Variants in RREB1 observed in about 807,000 individuals in gnomAD.
RREB1 encodes the protein ras-responsive element-binding protein 1.
RREB1 carries 27 observed loss-of-function variants against 117.8 expected under a neutral mutation model. That is an observed-to-expected ratio of 0.23 (90% CI 0.17 to 0.32). RREB1 has a LOEUF of 0.32. RREB1 is among the 10% of genes least tolerant of loss of function. RREB1 has a pLI of 1.00. For synonymous variants in RREB1, 1,298 were observed against 1,026.7 expected (o/e 1.26, Z -5.05); for missense variants, 2,577 against 2,378.2 (o/e 1.08, Z -1.74).
chr6:7,116,993 A>G (rs1289855708), intron 1 of RREB1, among the ~76,000 whole-genome samples: 4 of 152,186 alleles, frequency 2.6e-5, no homozygotes, highest in Non-Finnish European at 5.9e-5. Flanking sequence ...TTGTTTCATT[A>G]GTGGTATGAG....
intron 1 of RREB1, among the ~76,000 whole-genome samples, chr6:7,112,199 G>A (rs1229656449): frequency 6.6e-6 from 1 of 152,196 alleles, no homozygotes; most frequent in Non-Finnish European, 1.5e-5. Flanking sequence ...AACAAAAATA[G>A]GTGTGATGTA....
chr6:7,198,805 G>T (rs572625112), intron 6 of RREB1, among the ~76,000 whole-genome samples: 1 of 152,240 alleles, frequency 6.6e-6, no homozygotes, highest in South Asian at 2.1e-4. Flanking sequence ...AAAAAAATAT[G>T]TAAGTGTAAT....
Position 7,181,177 on chromosome 6 carries a change from T to C in RREB1, c.-112T>C, listed in dbSNP as rs1764775193. 2.5e-6 allele frequency: 1 copy of C among 398,610 alleles called. No homozygotes were observed. The highest frequency in any genetic ancestry group is 4.4e-6 in the Non-Finnish European group (1 of 226,132). The allele number at this position is 398,610 out of a possible 1,614,324, so 24.7% of individuals were successfully genotyped here. On this transcript the variant is annotated 5_prime_UTR_variant, in exon 3 of 13. Transcript: ENST00000379938. ...ACAAGAGGTCAACACAGACTCATTT[T>C]CTACTCCGTGTGAATGATAGCTACA...
intron 1 of RREB1, among the ~76,000 whole-genome samples, chr6:7,144,726 T>C (rs1047179169): frequency 2.0e-5 from 3 of 152,214 alleles, no homozygotes; most frequent in African/African-American, 7.2e-5. Flanking sequence ...AAATTGTCAG[T>C]TCTAACTGCT....
At chr6:7,194,176 C>T (rs1024611946) in intron 6 of RREB1, among the ~76,000 whole-genome samples, 1 of 152,174 alleles carries the variant, frequency 6.6e-6, no homozygotes, top group Non-Finnish European at 1.5e-5. Flanking sequence ...TTTTTTATAG[C>T]ATAGCCCTTG....
In RREB1 at chr6:7,231,472, G is replaced by A; in HGVS notation, c.3373G>A (p.Glu1125Lys). 1 of 1,612,796 alleles carries A rather than the reference G, an allele frequency of 6.2e-7. No individual in the cohort carries two copies. Among genetic ancestry groups the A allele is most frequent in the Admixed American group, 1.7e-5 (1 of 59,954 alleles). ...CCCCGCTGCCACCACCAGCCCAAAA[G>A]AGTCTAGTGAGCCTCCCGCTCCAGC... ...ATPAATTSPK[E>K]SSEPPAPASS... Residue 1125 changes from glutamate to lysine, a missense_variant, in exon 10 of 13, where the codon GAG becomes AAG. Transcript: ENST00000379938.
chr6:7,110,725 T>A (rs1581393915), intron 1 of RREB1, among the ~76,000 whole-genome samples: 1 of 152,266 alleles, frequency 6.6e-6, no homozygotes, highest in Non-Finnish European at 1.5e-5. Context: ...TTTAGGTTAA[T>A]GAACTTGCAT....
intron 8 of RREB1, chr6:7,218,234 T>G (rs1340679231): frequency 1.3e-5 from 2 of 152,254 alleles, no homozygotes; most frequent in Non-Finnish European, 2.9e-5. Flanking sequence ...TCTTGCTGAT[T>G]GTGAGGAGGT....
At chr6:7,211,353 T>TGGAC (rs1369700135) in intron 7 of RREB1, among the ~76,000 whole-genome samples, 1 of 146,870 alleles carries the variant, frequency 6.8e-6, no homozygotes, top group Non-Finnish European at 1.5e-5. Flanking sequence ...GATGGATGGA[T>TGGAC]GGATGGATGG....
In RREB1 at chr6:7,246,694, GC is replaced by G; in HGVS notation, c.4246del (p.Leu1416TrpfsTer48). ...GAEEDASSNQ[S>X]LDLDFATKLM... The stretch of plus-strand genomic sequence containing the variant: ...GAAGAGGACGCGTCGAGCAACCAGA[GC>G]CTGGACCTGGACTTCGCCACCAAGC... On this transcript the variant is annotated frameshift_variant, in exon 12 of 13. Coordinates refer to ENST00000379938, the MANE Select transcript of RREB1 (RefSeq NM_001003699.4). LOFTEE classifies it high-confidence loss of function. 6.3e-7 allele frequency: 1 copy of G among 1,584,380 alleles called. No individual in the cohort carries two copies. The highest frequency in any genetic ancestry group is 8.6e-7 in the Non-Finnish European group (1 of 1,165,692).
chr6:7,238,554 A>G (rs997583843), intron 10 of RREB1, among the ~76,000 whole-genome samples: 1 of 152,232 alleles, frequency 6.6e-6, no homozygotes, highest in Admixed American at 6.5e-5. Context: ...GTAATTTGGA[A>G]GACGCACCAT....
At chr6:7,216,510 G>C (rs1766908277) in intron 8 of RREB1, 1 of 152,212 alleles carries the variant, frequency 6.6e-6, no homozygotes, top group African/African-American at 2.4e-5. Flanking sequence ...GGGCAGCTGA[G>C]ACCACCCCCT....
At chr6:7,203,850 A>G (rs1468408263) in intron 6 of RREB1, among the ~76,000 whole-genome samples, 1 of 152,076 alleles carries the variant, frequency 6.6e-6, no homozygotes, top group African/African-American at 2.4e-5. Context: ...CTTTATAGAC[A>G]CCTCCCAGAA....
intron 1 of RREB1, among the ~76,000 whole-genome samples, chr6:7,150,750 G>T (rs1045276284): frequency 6.6e-6 from 1 of 152,232 alleles, no homozygotes; most frequent in African/African-American, 2.4e-5. Flanking sequence ...GCACAGAGGG[G>T]GCTTGCAGGA....
intron 12 of RREB1, 38 bp from the exon 13 acceptor site, chr6:7,248,473 C>A (rs1193084223): frequency 2.5e-6 from 4 of 1,588,914 alleles, no homozygotes; most frequent in Non-Finnish European, 3.4e-6. Context: ...GTACTGGTGC[C>A]TTTTGGTTAA....
intron 8 of RREB1, among the ~76,000 whole-genome samples, chr6:7,222,606 G>C (rs1427978355): frequency 2.0e-5 from 3 of 152,048 alleles, no homozygotes; most frequent in Non-Finnish European, 2.9e-5. Flanking sequence ...GGGATTTAAG[G>C]GTGAGGGAGA....
intron 11 of RREB1, among the ~76,000 whole-genome samples, chr6:7,242,954 C>T (rs1340200505): frequency 6.6e-6 from 1 of 152,142 alleles, no homozygotes; most frequent in Non-Finnish European, 1.5e-5. Context: ...GCAGCCTGGC[C>T]CCCTCTGCCC....
chr6:7,196,204 T>TG (rs1178512664), intron 6 of RREB1, among the ~76,000 whole-genome samples: 3 of 148,786 alleles, frequency 2.0e-5, no homozygotes, highest in African/African-American at 5.0e-5. Flanking sequence ...CGTTGTTTTT[T>TG]GGTTTTTTTT....
intron 1 of RREB1, chr6:7,108,623 TTC>T (rs1171868510): frequency 1.3e-5 from 2 of 152,166 alleles, no homozygotes; most frequent in Non-Finnish European, 2.9e-5. Flanking sequence ...GGGGAAACTT[TTC>T]TCCTACATAC....
Sources: allele counts gnomAD v4.1 joint callset (sites outside exome capture counted in the v4.1 genomes callset), GRCh38; gene constraint gnomAD v4.1.1; transcripts MANE v1.5; gene names NCBI Gene and HGNC (gene_info 2026-07-23, HGNC 2026-07-21).